The following XKR4 variants were observed in gnomAD, a reference collection of about 807,000 sequenced individuals.
The protein encoded by XKR4 is XK related 4, also known as XK-related protein 4.
A neutral mutation model predicts 53.9 loss-of-function variants in XKR4; 12 were observed. The observed-to-expected ratio is 0.22, with a 90% CI of 0.14 to 0.36. The LOEUF is 0.36. Among genes scored for constraint, XKR4 ranks in the 10% least tolerant of loss-of-function variants. The pLI is 1.00. For synonymous variants in XKR4, 354 were observed against 362.4 expected (o/e 0.98, Z 0.26); for missense variants, 799 against 859.5 (o/e 0.93, Z 0.88).
At chr8:55,502,332 A>T (rs1283368063) in intron 2 of XKR4, among the ~76,000 whole-genome samples, 1 of 152,062 alleles carries the variant, frequency 6.6e-6, no homozygotes, top group Non-Finnish European at 1.5e-5. Context: ...TAACATTCCC[A>T]CCAACAGTAC....
intron 2 of XKR4, among the ~76,000 whole-genome samples, chr8:55,438,352 C>G (rs879840909): frequency 6.6e-6 from 1 of 151,962 alleles, no homozygotes; most frequent in Non-Finnish European, 1.5e-5. Context: ...CTTTGGGAGG[C>G]CGAGGCGGGC....
At chr8:55,273,269 T>A (rs1271100954) in intron 1 of XKR4, among the ~76,000 whole-genome samples, 1 of 152,036 alleles carries the variant, frequency 6.6e-6, no homozygotes, top group Non-Finnish European at 1.5e-5. Context: ...AAATTATGAC[T>A]GACACACTGA....
At chr8:55,355,205 A>G (rs1803780826) in intron 1 of XKR4, among the ~76,000 whole-genome samples, 1 of 152,058 alleles carries the variant, frequency 6.6e-6, no homozygotes, top group Admixed American at 6.5e-5. Context: ...TGCCCAGCCT[A>G]GAATTTTATA....
chr8:55,326,476 T>C (rs984994106), intron 1 of XKR4, among the ~76,000 whole-genome samples: 1 of 148,684 alleles, frequency 6.7e-6, no homozygotes, highest in African/African-American at 2.5e-5. Flanking sequence ...TCCTTTTTTT[T>C]TTTTTTTTTT....
At chr8:55,126,735 C>T (rs528011085) in intron 1 of XKR4, among the ~76,000 whole-genome samples, 1 of 152,284 alleles carries the variant, frequency 6.6e-6, no homozygotes. Flanking sequence ...TTGGGGTCTC[C>T]CTACTGGAAT....
intron 2 of XKR4, among the ~76,000 whole-genome samples, chr8:55,513,898 G>C (rs1029920659): frequency 6.6e-6 from 1 of 152,186 alleles, no homozygotes; most frequent in African/African-American, 2.4e-5. Flanking sequence ...TGTTAGAAAT[G>C]TGTCCACCAG....
intron 1 of XKR4, among the ~76,000 whole-genome samples, chr8:55,123,757 G>A (rs996647449): frequency 7.9e-5 from 12 of 152,252 alleles, no homozygotes; most frequent in Non-Finnish European, 1.2e-4. Context: ...GGACACCCCC[G>A]CACCTCCAAG....
At chr8:55,274,836 G>T (rs1217381145) in intron 1 of XKR4, among the ~76,000 whole-genome samples, 1 of 152,104 alleles carries the variant, frequency 6.6e-6, no homozygotes, top group African/African-American at 2.4e-5. Flanking sequence ...GACATTCTCA[G>T]GTACTGTTGG....
chr8:55,363,970 G>A (rs1036912069), intron 2 of XKR4, among the ~76,000 whole-genome samples: 3 of 152,210 alleles, frequency 2.0e-5, no homozygotes, highest in African/African-American at 4.8e-5. Flanking sequence ...TAAACAACAC[G>A]ACAGAACATA....
intron 1 of XKR4, among the ~76,000 whole-genome samples, chr8:55,225,952 T>A (rs1159544693): frequency 6.6e-6 from 1 of 152,176 alleles, no homozygotes; most frequent in Non-Finnish European, 1.5e-5. Flanking sequence ...TTGGCCAGGA[T>A]CATGAAGGCC....
chr8:55,326,489 G>GTTTT, intron 1 of XKR4, among the ~76,000 whole-genome samples: 122 of 63,532 alleles, frequency 1.9e-3, no homozygotes, highest in African/African-American at 4.8e-3. Flanking sequence ...TTTTTTTTTG[G>GTTTT]AAACAGAGTT....
intron 1 of XKR4, among the ~76,000 whole-genome samples, chr8:55,326,589 G>A (rs1223377403): frequency 6.8e-5 from 10 of 146,536 alleles, no homozygotes. Flanking sequence ...TCCCACCTCA[G>A]CCTCCTGAGT....
chr8:55,118,252 C>G (rs772776787), intron 1 of XKR4, among the ~76,000 whole-genome samples: 2 of 152,134 alleles, frequency 1.3e-5, no homozygotes, highest in Non-Finnish European at 2.9e-5. Context: ...TTGGGAAATG[C>G]GTAGTACTAA....
intron 1 of XKR4, among the ~76,000 whole-genome samples, chr8:55,176,462 T>C (rs951046995): frequency 6.6e-6 from 1 of 151,742 alleles, no homozygotes; most frequent in African/African-American, 2.4e-5. Context: ...TGTGTGTGCG[T>C]GTGTGTGTGT....
At chr8:55,455,146 G>A in intron 2 of XKR4, 1 of 593,918 alleles carries the variant, frequency 1.7e-6, no homozygotes, top group Non-Finnish European at 3.1e-6. Context: ...CCATGGGGAG[G>A]GACGCTGGGC....
intron 2 of XKR4, among the ~76,000 whole-genome samples, chr8:55,511,678 C>G (rs917604564): frequency 3.3e-5 from 5 of 152,234 alleles, no homozygotes; most frequent in African/African-American, 1.2e-4. Context: ...ACAAAGTGGA[C>G]TCTATTGCAT....
chr8:55,149,059 T>G (rs965785887), intron 1 of XKR4, among the ~76,000 whole-genome samples: 4 of 152,234 alleles, frequency 2.6e-5, no homozygotes, highest in Non-Finnish European at 5.9e-5. Flanking sequence ...CCTTTACTTC[T>G]AAGGTGTAGC....
chr8:55,289,657 G>GGAAA (rs1818966510), intron 1 of XKR4, among the ~76,000 whole-genome samples: 1 of 83,240 alleles, frequency 1.2e-5, no homozygotes, highest in African/African-American at 4.2e-5. Context: ...AAGGAAGGAA[G>GGAAA]GAAAAGAAAA....
At position 55,528,709 on chromosome 8, in the gene XKR4, A is replaced by T. The variant is rs1051141040; in HGVS notation, c.*4482A>T. The T allele has an allele frequency of 1.3e-5, 2 of 152,186 alleles. No homozygotes were observed. The highest frequency in any genetic ancestry group is 2.9e-5 in the Non-Finnish European group (2 of 68,046). The allele number at this position is 152,186 out of a possible 1,614,324, so 9.4% of individuals were successfully genotyped here. On this transcript the variant is annotated 3_prime_UTR_variant, in exon 3 of 3. Coordinates refer to ENST00000327381, the MANE Select transcript of XKR4 (RefSeq NM_052898.2). The stretch of plus-strand genomic sequence containing the variant: ...CAGGAGGACTGGGGTGGTCATTCCT[A>T]TAATTTCAGTGACAGATGCAGATCA...
Sources: allele counts gnomAD v4.1 joint callset (sites outside exome capture counted in the v4.1 genomes callset), GRCh38; gene constraint gnomAD v4.1.1; transcripts MANE v1.5; gene names NCBI Gene and HGNC (gene_info 2026-07-23, HGNC 2026-07-21).